The following F13A1 variants were observed in gnomAD, a reference collection of about 807,000 sequenced individuals.
F13A1 encodes the protein coagulation factor XIII A chain.
A neutral mutation model predicts 80.1 loss-of-function variants in F13A1; 47 were observed. The observed-to-expected ratio is 0.59, with a 90% CI of 0.46 to 0.75. F13A1 has a LOEUF of 0.75. Ranked by LOEUF, F13A1 falls within the 30% of genes least tolerant of loss-of-function variation. The pLI, the probability that F13A1 is intolerant of heterozygous loss-of-function variation, is 0.00. For missense variants in F13A1, 817 were observed against 930.4 expected, an observed-to-expected ratio of 0.88 and a Z score of 1.59; for synonymous variants, 349 against 344.9, an observed-to-expected ratio of 1.01 and a Z score of -0.13.
intron 12 of F13A1, among the ~76,000 whole-genome samples, chr6:6,169,010 C>T (rs756702627): frequency 6.6e-6 from 1 of 152,228 alleles, no homozygotes; most frequent in Non-Finnish European, 1.5e-5. Context: ...CTGTGCCTTG[C>T]TTCCAGGACT....
At chr6:6,190,810 C>T (rs1197947761) in intron 10 of F13A1, among the ~76,000 whole-genome samples, 4 of 152,140 alleles carry the variant, frequency 2.6e-5, no homozygotes, top group Non-Finnish European at 5.9e-5. Context: ...ATGGTGGGCG[C>T]CCCTCCCCCA....
chr6:6,227,944 A>C (rs1757299599), intron 6 of F13A1, among the ~76,000 whole-genome samples: 1 of 152,164 alleles, frequency 6.6e-6, no homozygotes, highest in Non-Finnish European at 1.5e-5. Flanking sequence ...ATTTCTAGGG[A>C]GCTCAGGCCA....
At chr6:6,285,293 C>A (rs1234765257) in intron 3 of F13A1, among the ~76,000 whole-genome samples, 1 of 152,176 alleles carries the variant, frequency 6.6e-6, no homozygotes, top group African/African-American at 2.4e-5. Flanking sequence ...CCTCTTAAAC[C>A]CCCTCTGGGG....
chr6:6,190,536 G>A (rs58054321), intron 10 of F13A1, among the ~76,000 whole-genome samples: 3,557 of 151,062 alleles, frequency 0.024, 149 homozygotes, highest in African/African-American at 0.077. Flanking sequence ...TAGGCTGCTC[G>A]GGGGTCAGGG....
chr6:6,179,649 T>C (rs3778353), intron 11 of F13A1, among the ~76,000 whole-genome samples: 44,008 of 152,028 alleles, frequency 0.29, 6,479 homozygotes, highest in Non-Finnish European at 0.33. Context: ...AAGTTCCAGT[T>C]TGAAATGTGT....
chr6:6,166,861 A>G (rs1051524647), intron 13 of F13A1, among the ~76,000 whole-genome samples: 2 of 152,208 alleles, frequency 1.3e-5, no homozygotes, highest in African/African-American at 4.8e-5. Flanking sequence ...AAGTCAGAAA[A>G]GTTACTATCT....
chr6:6,150,852 A>G (rs1760361214), intron 14 of F13A1, among the ~76,000 whole-genome samples: 1 of 152,162 alleles, frequency 6.6e-6, no homozygotes, highest in Non-Finnish European at 1.5e-5. Context: ...TGTGTGGGAG[A>G]GAGAGAGAGA....
intron 13 of F13A1, among the ~76,000 whole-genome samples, chr6:6,158,498 G>C (rs1760516027): frequency 6.6e-6 from 1 of 152,094 alleles, no homozygotes; most frequent in Non-Finnish European, 1.5e-5. Context: ...TCACCTATAG[G>C]GTCTTCTATG....
intron 13 of F13A1, among the ~76,000 whole-genome samples, chr6:6,155,375 G>A (rs571347838): frequency 1.3e-5 from 2 of 152,210 alleles, no homozygotes; most frequent in Non-Finnish European, 2.9e-5. Flanking sequence ...TTCCAGTATT[G>A]TCTCTGTAAT....
At chr6:6,190,611 C>A (rs944720335) in intron 10 of F13A1, among the ~76,000 whole-genome samples, 1 of 151,976 alleles carries the variant, frequency 6.6e-6, no homozygotes, top group Non-Finnish European at 1.5e-5. Context: ...GCTGGGAGAA[C>A]CAGTGCTCTC....
At chr6:6,148,866 TAAAAAGA>T (rs922478686) in intron 14 of F13A1, among the ~76,000 whole-genome samples, 3 of 151,642 alleles carry the variant, frequency 2.0e-5, no homozygotes, top group African/African-American at 4.9e-5. Flanking sequence ...TATTCAGCCA[TAAAAAGA>T]ATAAAATCCT....
chr6:6,145,688 C>T lies in F13A1; in HGVS notation c.2130G>A (p.Met710Ile), dbSNP rs140537838. 3.1e-5 allele frequency: 50 copies of T among 1,614,044 alleles called. No individual in the cohort carries two copies. The Middle Eastern group carries it at 4.9e-4, about 16-fold the overall frequency. The change falls in exon 15 of 15, where the codon ATG becomes ATA. Residue 710 changes from methionine (M) to isoleucine (I), a missense_variant. By Grantham distance (10) the Met-to-Ile change is conservative. Transcript: ENST00000264870. ...ACACATGTCTCAGGGAGTCACTGCT[C>T]ATGCTGGCTATCAGCTTCCGATGCC... is the stretch of plus-strand genomic sequence containing the variant. ...VSGHRKLIAS[M>I]SSDSLRHVYG...
chr6:6,316,861 C>T (rs1028823379), intron 2 of F13A1, among the ~76,000 whole-genome samples: 5 of 152,000 alleles, frequency 3.3e-5, no homozygotes, highest in African/African-American at 9.7e-5. Context: ...ACCAATATGA[C>T]TTTCCCAGAG....
At chr6:6,292,515 A>T (rs1021811228) in intron 3 of F13A1, among the ~76,000 whole-genome samples, 4 of 152,132 alleles carry the variant, frequency 2.6e-5, no homozygotes, top group African/African-American at 4.8e-5. Context: ...TCCTATCCTG[A>T]ATTACCCTGA....
chr6:6,244,077 G>A (rs1040686918), intron 6 of F13A1, among the ~76,000 whole-genome samples: 12 of 152,148 alleles, frequency 7.9e-5, no homozygotes, highest in African/African-American at 7.2e-5. Flanking sequence ...AATATGTCAC[G>A]GCCCACCTTC....
At chr6:6,189,988 T>G (rs1216270015) in intron 10 of F13A1, among the ~76,000 whole-genome samples, 1 of 152,234 alleles carries the variant, frequency 6.6e-6, no homozygotes, top group East Asian at 1.9e-4. Flanking sequence ...TTTCCATCGC[T>G]GATACCCTTT....
intron 13 of F13A1, among the ~76,000 whole-genome samples, chr6:6,159,900 C>A (rs1760542383): frequency 6.6e-6 from 1 of 152,096 alleles, no homozygotes; most frequent in Non-Finnish European, 1.5e-5. Flanking sequence ...AGAGCAACTG[C>A]ACTCCTGGAG....
chr6:6,209,195 AAAG>A (rs1240597468), intron 8 of F13A1, among the ~76,000 whole-genome samples: 3 of 152,242 alleles, frequency 2.0e-5, no homozygotes, highest in Non-Finnish European at 4.4e-5. Context: ...CCATTTTGCC[AAAG>A]AAGATATACA....
chr6:6,284,318 T>C (rs778792385), intron 3 of F13A1, among the ~76,000 whole-genome samples: 1 of 152,226 alleles, frequency 6.6e-6, no homozygotes, highest in Non-Finnish European at 1.5e-5. Flanking sequence ...ATGATGGAAG[T>C]GAAGTAATGG....
Sources: gnomAD v4.1 joint callset for allele counts (sites outside exome capture counted in the v4.1 genomes callset) on GRCh38, gnomAD v4.1.1 for gene constraint, MANE v1.5 for transcripts, NCBI Gene and HGNC (gene_info 2026-07-23, HGNC 2026-07-21) for gene names.